The following MITF variants were observed in gnomAD, a reference collection of about 807,000 sequenced individuals.
MITF encodes microphthalmia-associated transcription factor.
MITF carries 17 observed loss-of-function variants against 60.5 expected under a neutral mutation model. That is an observed-to-expected ratio of 0.28 (90% CI 0.19 to 0.42). The LOEUF is 0.42. MITF is among the 10% of genes least tolerant of loss of function. The pLI, the probability that MITF is intolerant of heterozygous loss-of-function variation, is 1.00. For missense variants in MITF, 622 were observed against 683.5 expected (o/e 0.91, Z 1.00); for synonymous variants, 260 against 248.5 (o/e 1.05, Z -0.43).
chr3:69,901,213 CAAAAA>C (rs201494705), intron 2 of MITF, among the ~76,000 whole-genome samples: 3 of 75,188 alleles, frequency 4.0e-5, no homozygotes, highest in Non-Finnish European at 5.8e-5. Context: ...TGTGATTTTT[CAAAAA>C]AAAAAAAAAA....
intron 1 of MITF, among the ~76,000 whole-genome samples, chr3:69,757,898 G>A (rs1208633796): frequency 2.6e-5 from 4 of 151,428 alleles, no homozygotes; most frequent in Admixed American, 1.3e-4. Flanking sequence ...TGTGGAAAAT[G>A]GGTAGCTGTT....
intron 1 of MITF, among the ~76,000 whole-genome samples, chr3:69,823,084 G>T (rs1192212365): frequency 1.3e-5 from 2 of 152,028 alleles, no homozygotes; most frequent in African/African-American, 2.4e-5. Flanking sequence ...TTGCCATGTT[G>T]GCCAGGCTGG....
rs943133967 is a variant in MITF at position 69,917,029 on chromosome 3, A to T, written c.355-20793A>T. 3.9e-5 allele frequency among the ~76,000 whole-genome samples: 6 copies of T among 152,198 alleles called. 1 individual carries two copies. The highest frequency in any genetic ancestry group is 2.6e-4 in the Admixed American group (4 of 15,276). The stretch of plus-strand genomic sequence containing the variant: ...GCATGTCTAGTACATGTTGGACACT[A>T]AGTGTCCATATTATATGTCCAGTGC... On this transcript the variant is annotated intron_variant, in intron 2 of 9. Coordinates refer to ENST00000352241, the MANE Select transcript of MITF (RefSeq NM_001354604.2).
At chr3:69,960,447 T>C (rs937320326) in intron 9 of MITF, among the ~76,000 whole-genome samples, 1 of 152,146 alleles carries the variant, frequency 6.6e-6, no homozygotes, top group Non-Finnish European at 1.5e-5. Context: ...TCCTGGAACT[T>C]CTCTCAGGGG....
intron 1 of MITF, among the ~76,000 whole-genome samples, chr3:69,812,182 A>G (rs1185706209): frequency 6.6e-6 from 1 of 152,198 alleles, no homozygotes; most frequent in Non-Finnish European, 1.5e-5. Flanking sequence ...GAATGAAGAC[A>G]GTAAGTTATA....
chr3:69,959,472 A>G, intron 9 of MITF, 52 bp downstream of exon 9: 2 of 1,606,352 alleles, frequency 1.2e-6, no homozygotes, highest in South Asian at 1.1e-5. Context: ...ACTTCAAGAC[A>G]GTAGAAACAG....
In MITF at chr3:69,966,397, A is replaced by T. The variant is rs537082620; in HGVS notation, c.*1149A>T. On this transcript the variant is annotated 3_prime_UTR_variant, in exon 10 of 10. Transcript: ENST00000352241. ...CTCACTCAGAACTGTTTTTGGACAC[A>T]TTTAAGGTGTAGTATTAATAGGTTA... 4.3e-6 allele frequency: 1 copy of T among 232,916 alleles called. No homozygotes were observed. Among genetic ancestry groups the T allele is most frequent in the Non-Finnish European group, 8.5e-6 (1 of 117,600 alleles). The allele number at this position is 232,916 out of a possible 1,614,324, so 14.4% of individuals were successfully genotyped here. A position where few individuals can be genotyped will look rare whatever the true frequency, so the allele number is the denominator to read the frequency against.
chr3:69,846,781 C>T (rs937891013), intron 1 of MITF, among the ~76,000 whole-genome samples: 2 of 142,808 alleles, frequency 1.4e-5, no homozygotes, highest in African/African-American at 5.2e-5. Flanking sequence ...TGTGCCACTT[C>T]ACTCCAGCCT....
chr3:69,789,641 A>G (rs1022178265), intron 1 of MITF, among the ~76,000 whole-genome samples: 3 of 152,204 alleles, frequency 2.0e-5, no homozygotes, highest in Admixed American at 1.3e-4. Context: ...GGATCACTTG[A>G]GGCCAGGAGT....
chr3:69,897,120 G>C (rs1459449391), intron 2 of MITF, among the ~76,000 whole-genome samples: 1 of 152,180 alleles, frequency 6.6e-6, no homozygotes, highest in Non-Finnish European at 1.5e-5. Flanking sequence ...AGGAGCTTGG[G>C]TCTGATGCAG....
intron 1 of MITF, chr3:69,751,954 T>C (rs2106771544): frequency 6.6e-6 from 1 of 152,330 alleles, no homozygotes; most frequent in Admixed American, 6.5e-5. Flanking sequence ...TTTAAAAGTG[T>C]GTAGCACCTC....
At chr3:69,800,538 T>C (rs1246257389) in intron 1 of MITF, among the ~76,000 whole-genome samples, 1 of 152,188 alleles carries the variant, frequency 6.6e-6, no homozygotes, top group Admixed American at 6.5e-5. Flanking sequence ...TGCCATGCTG[T>C]TCTTACAGCA....
chr3:69,907,116 T>C (rs1021151867), intron 2 of MITF, among the ~76,000 whole-genome samples: 20 of 152,156 alleles, frequency 1.3e-4, no homozygotes, highest in African/African-American at 4.6e-4. Context: ...TCCTCTCCCC[T>C]TTCCCTCCAT....
intron 5 of MITF, among the ~76,000 whole-genome samples, chr3:69,944,368 A>G (rs1197860550): frequency 6.6e-6 from 1 of 152,118 alleles, no homozygotes. Flanking sequence ...AGGACAATTC[A>G]GGAGCAGAGA....
intron 1 of MITF, among the ~76,000 whole-genome samples, chr3:69,770,454 A>G (rs1379737320): frequency 6.6e-6 from 1 of 152,126 alleles, no homozygotes; most frequent in Non-Finnish European, 1.5e-5. Context: ...TAAACACTTC[A>G]ATGGTTAGGT....
intron 1 of MITF, among the ~76,000 whole-genome samples, chr3:69,792,402 T>G (rs1295528913): frequency 6.6e-6 from 1 of 152,158 alleles, no homozygotes; most frequent in Non-Finnish European, 1.5e-5. Flanking sequence ...TCTCATCTCC[T>G]TGCTTTTTCC....
intron 1 of MITF, among the ~76,000 whole-genome samples, chr3:69,859,446 C>G (rs2063974145): frequency 6.6e-6 from 1 of 152,136 alleles, no homozygotes; most frequent in African/African-American, 2.4e-5. Flanking sequence ...ATCTCAGTCC[C>G]TTCTTCTGGC....
chr3:69,764,856 G>A (rs1559616579), intron 1 of MITF, among the ~76,000 whole-genome samples: 1 of 152,174 alleles, frequency 6.6e-6, no homozygotes, highest in East Asian at 1.9e-4. Context: ...TGTTATTTGT[G>A]ACAATTTTGA....
At chr3:69,795,225 G>A (rs2062808705) in intron 1 of MITF, among the ~76,000 whole-genome samples, 1 of 152,066 alleles carries the variant, frequency 6.6e-6, no homozygotes, top group South Asian at 2.1e-4. Context: ...TTTCTCCCAA[G>A]CGATGTATTA....
Sources: allele counts gnomAD v4.1 joint callset (sites outside exome capture counted in the v4.1 genomes callset), GRCh38; gene constraint gnomAD v4.1.1; transcripts MANE v1.5; gene names NCBI Gene and HGNC (gene_info 2026-07-23, HGNC 2026-07-21).